Variants in RBM27 observed in about 807,000 individuals in gnomAD.
RBM27 encodes RNA binding motif protein 27, also known as RNA-binding protein 27.
Under a neutral mutation model 135.3 loss-of-function variants are expected in RBM27, and 22 were observed. The observed-to-expected ratio is 0.16, with a 90% CI of 0.12 to 0.23. The LOEUF (loss-of-function observed/expected upper bound fraction) is 0.23, where lower values mean the gene tolerates loss of function less well. Ranked by LOEUF, RBM27 falls within the 10% of genes least tolerant of loss-of-function variation. RBM27 has a pLI of 1.00. For synonymous variants in RBM27, 481 were observed against 442.4 expected (o/e 1.09, Z -1.10); for missense variants, 1,009 against 1,281.0 (o/e 0.79, Z 3.24).
In RBM27 at chr5:146,223,500, C is replaced by T; in HGVS notation, c.276C>T (p.Val92=). The change falls in exon 3 of 21, where the codon GTC becomes GTT. Residue 92 remains valine, a synonymous_variant. Coordinates refer to ENST00000265271, the MANE Select transcript of RBM27 (RefSeq NM_018989.2). ...TAAAGCCTGAGCCAAAACCACTAGT[C>T]CAAGAAAAAGAAGAAATTAAAGAAG... ...EPVKPEPKPL[V]QEKEEIKEEV... 2 of 1,606,690 alleles carry T rather than the reference C, an allele frequency of 1.2e-6. No homozygotes were observed. The highest frequency in any genetic ancestry group is 1.7e-6 in the Non-Finnish European group (2 of 1,177,280).
At chr5:146,237,026 C>T (rs995127376) in intron 7 of RBM27, among the ~76,000 whole-genome samples, 13 of 149,736 alleles carry the variant, frequency 8.7e-5, no homozygotes, top group Admixed American at 2.7e-4. Flanking sequence ...GCAACCTCCG[C>T]GTCCCAGGTT....
chr5:146,271,427 T>G, intron 18 of RBM27, 56 bp from the exon 19 acceptor site: 3 of 1,439,240 alleles, frequency 2.1e-6, no homozygotes, highest in Non-Finnish European at 2.8e-6. Context: ...TTTTCCTTTG[T>G]TTTTAAGGTT....
chr5:146,205,294 C>T (rs1581123057), intron 1 of RBM27, among the ~76,000 whole-genome samples: 1 of 152,290 alleles, frequency 6.6e-6, no homozygotes, highest in Admixed American at 6.5e-5. Context: ...CATGTTTTGC[C>T]TCCTCCTTGC....
chr5:146,213,676 C>G (rs1339088544), intron 1 of RBM27, among the ~76,000 whole-genome samples: 3 of 152,156 alleles, frequency 2.0e-5, no homozygotes, highest in Non-Finnish European at 2.9e-5. Context: ...TAGGACCTTA[C>G]TCTTTGATCT....
chr5:146,240,717 T>A (rs974766551), intron 8 of RBM27, among the ~76,000 whole-genome samples: 4 of 152,232 alleles, frequency 2.6e-5, no homozygotes, highest in South Asian at 2.1e-4. Context: ...TGATTTTTTT[T>A]AATATATGTA....
intron 8 of RBM27, among the ~76,000 whole-genome samples, chr5:146,240,081 A>G (rs1181044618): frequency 2.6e-5 from 4 of 151,770 alleles, no homozygotes; most frequent in East Asian, 1.9e-4. Flanking sequence ...CTGGCCTTTA[A>G]CTCTTTCAAT....
intron 8 of RBM27, among the ~76,000 whole-genome samples, chr5:146,248,100 G>GT (rs923549215): frequency 3.2e-4 from 47 of 145,656 alleles, no homozygotes; most frequent in African/African-American, 3.0e-4. Context: ...GGGAACTCCT[G>GT]TTTTTTTTTT....
chr5:146,268,531 T>C (rs1237302917), intron 15 of RBM27, among the ~76,000 whole-genome samples: 1 of 152,174 alleles, frequency 6.6e-6, no homozygotes, highest in East Asian at 1.9e-4. Context: ...TGTGAGCCAC[T>C]ATGCCCGGCC....
intron 19 of RBM27, among the ~76,000 whole-genome samples, chr5:146,284,153 G>A (rs916166666): frequency 6.6e-6 from 1 of 152,172 alleles, no homozygotes; most frequent in African/African-American, 2.4e-5. Flanking sequence ...TTAGTGTATA[G>A]CGTTTCAGAA....
intron 8 of RBM27, among the ~76,000 whole-genome samples, chr5:146,239,856 C>T (rs144442608): frequency 6.7e-6 from 1 of 149,730 alleles, no homozygotes; most frequent in East Asian, 2.0e-4. Flanking sequence ...TGGCTCACTG[C>T]AGCCTTGATC....
intron 9 of RBM27, among the ~76,000 whole-genome samples, chr5:146,252,991 T>A (rs1300970199): frequency 6.6e-6 from 1 of 152,090 alleles, no homozygotes; most frequent in Non-Finnish European, 1.5e-5. Flanking sequence ...TTTTATTTAT[T>A]TATTTATTTA....
chr5:146,257,846 C>T (rs537216830), intron 10 of RBM27, among the ~76,000 whole-genome samples: 35 of 149,534 alleles, frequency 2.3e-4, no homozygotes, highest in Non-Finnish European at 4.7e-4. Context: ...GACCGAATTT[C>T]ACTCTTGTTG....
chr5:146,221,789 A>G (rs1237610749), intron 2 of RBM27, among the ~76,000 whole-genome samples: 1 of 152,222 alleles, frequency 6.6e-6, no homozygotes, highest in African/African-American at 2.4e-5. Context: ...AAAGAGCTAC[A>G]TATGGCTAGT....
At chr5:146,232,016 T>C (rs191454114) in intron 6 of RBM27, among the ~76,000 whole-genome samples, 110 of 152,356 alleles carry the variant, frequency 7.2e-4, no homozygotes, top group African/African-American at 2.4e-3. Context: ...TGAATCGGTA[T>C]GTGTGTATTT....
chr5:146,255,096 A>G lies in RBM27; in HGVS notation c.1594+4A>G. ...GATATGGATGTAAATCCAAGAGGTG[A>G]GAATACCTTGAACTTTTTCTGATGC... On this transcript the variant is annotated splice_donor_region_variant and intron_variant, in intron 10 of 20. Coordinates refer to ENST00000265271, the MANE Select transcript of RBM27 (RefSeq NM_018989.2). 6.2e-7 allele frequency: 1 copy of G among 1,608,360 alleles called. No individual in the cohort carries two copies. Among genetic ancestry groups the G allele is most frequent in the South Asian group, 1.1e-5 (1 of 90,202 alleles).
intron 8 of RBM27, among the ~76,000 whole-genome samples, chr5:146,238,356 A>G (rs561848648): frequency 6.6e-6 from 1 of 152,238 alleles, no homozygotes; most frequent in South Asian, 2.1e-4. Flanking sequence ...TAAAAATGCA[A>G]AATTAGCTGG....
chr5:146,252,844 T>G (rs1459708901), intron 9 of RBM27, among the ~76,000 whole-genome samples: 1 of 152,198 alleles, frequency 6.6e-6, no homozygotes, highest in Non-Finnish European at 1.5e-5. Context: ...TGTCTTTAGT[T>G]GTCTTAAAGA....
At chr5:146,204,840 T>G (rs1046707654) in intron 1 of RBM27, among the ~76,000 whole-genome samples, 7 of 152,164 alleles carry the variant, frequency 4.6e-5, no homozygotes, top group African/African-American at 1.2e-4. Flanking sequence ...TTGGGTGGTG[T>G]TAGTAGAAAT....
At chr5:146,235,033 A>AAATAAAT (rs1757098238) in intron 7 of RBM27, among the ~76,000 whole-genome samples, 2 of 139,462 alleles carry the variant, frequency 1.4e-5, no homozygotes, top group Admixed American at 1.5e-4. Context: ...CCCTGTCTCA[A>AAATAAAT]AAATAAATAA....
Sources: gnomAD v4.1 joint callset for allele counts (sites outside exome capture counted in the v4.1 genomes callset) on GRCh38, gnomAD v4.1.1 for gene constraint, MANE v1.5 for transcripts, NCBI Gene and HGNC (gene_info 2026-07-23, HGNC 2026-07-21) for gene names.